The following TOX variants were observed in gnomAD, a reference collection of about 807,000 sequenced individuals.
TOX encodes thymocyte selection-associated high mobility group box protein TOX.
TOX carries 11 observed loss-of-function variants against 53.7 expected under a neutral mutation model. The observed-to-expected ratio is 0.20, with a 90% CI of 0.13 to 0.34. The LOEUF (loss-of-function observed/expected upper bound fraction) is 0.34, where lower values mean the gene tolerates loss of function less well. Ranked by LOEUF, TOX falls within the 10% of genes least tolerant of loss-of-function variation. The pLI, the probability that TOX is intolerant of heterozygous loss-of-function variation, is 1.00. For missense variants in TOX, 570 were observed against 664.6 expected (o/e 0.86, Z 1.56); for synonymous variants, 225 against 245.3 (o/e 0.92, Z 0.77).
At position 59,118,054 on chromosome 8, in the gene TOX, G is replaced by A. The variant is rs1407107773; in HGVS notation, c.102+832C>T. Among the ~76,000 whole-genome samples, 1 of 152,186 alleles carries A rather than the reference G, an allele frequency of 6.6e-6. No homozygotes were observed. Among genetic ancestry groups the A allele is most frequent in the African/African-American group, 2.4e-5 (1 of 41,438 alleles). ...CCGAACTCCGCAGCAGCCCAGGCCA[G>A]CGCCCCACCTCCGGGTCACCGGCAT... is the stretch of plus-strand genomic sequence containing the variant. On this transcript the variant is annotated intron_variant, in intron 1 of 8. Coordinates refer to ENST00000361421, the MANE Select transcript of TOX (RefSeq NM_014729.3). The surrounding 1 kb of genome is among the most constrained non-coding windows in gnomAD (Gnocchi z 4.1).
chr8:59,073,874 G>C (rs947476764), intron 1 of TOX, among the ~76,000 whole-genome samples: 2 of 152,112 alleles, frequency 1.3e-5, no homozygotes, highest in Admixed American at 1.3e-4. Context: ...CACTTAAATA[G>C]CATGGGTCCA....
chr8:59,069,691 T>C (rs1399269048), intron 1 of TOX, among the ~76,000 whole-genome samples: 1 of 152,096 alleles, frequency 6.6e-6, no homozygotes, highest in Non-Finnish European at 1.5e-5. Flanking sequence ...TGATTTTCAG[T>C]GTATTAAAAT....
At chr8:58,967,581 C>G (rs1240112980) in intron 1 of TOX, among the ~76,000 whole-genome samples, 1 of 152,144 alleles carries the variant, frequency 6.6e-6, no homozygotes, top group African/African-American at 2.4e-5. Flanking sequence ...AGCTTTGCAC[C>G]TGGCTGGAGC....
At chr8:59,108,449 T>C (rs1385311962) in intron 1 of TOX, among the ~76,000 whole-genome samples, 4 of 152,186 alleles carry the variant, frequency 2.6e-5, no homozygotes, top group East Asian at 1.9e-4. Flanking sequence ...ACGGACTTCA[T>C]AGTTCACAAC....
intron 1 of TOX, among the ~76,000 whole-genome samples, chr8:59,092,613 T>C (rs1490542078): frequency 6.6e-6 from 1 of 151,938 alleles, no homozygotes; most frequent in Non-Finnish European, 1.5e-5. Context: ...GGAAGGAGTC[T>C]AGCCCCACCC....
chr8:58,959,586 T>C (rs73252685), intron 2 of TOX, among the ~76,000 whole-genome samples: 1,973 of 152,298 alleles, frequency 0.013, 42 homozygotes, highest in African/African-American at 0.045. Flanking sequence ...TTAAAGCTAT[T>C]TGTGACACGT....
intron 2 of TOX, among the ~76,000 whole-genome samples, chr8:58,954,712 A>T (rs879110619): frequency 6.6e-6 from 1 of 152,208 alleles, no homozygotes; most frequent in Admixed American, 6.5e-5. Flanking sequence ...GAGGAGATGT[A>T]CTCAAGAGTT....
chr8:59,112,894 A>G (rs552776750), intron 1 of TOX, among the ~76,000 whole-genome samples: 12 of 152,334 alleles, frequency 7.9e-5, no homozygotes, highest in Non-Finnish European at 1.6e-4. Flanking sequence ...TCATATTTTT[A>G]CAATGTAATT....
chr8:59,003,946 G>C (rs186405163), intron 1 of TOX, among the ~76,000 whole-genome samples: 4 of 152,272 alleles, frequency 2.6e-5, no homozygotes, highest in African/African-American at 9.6e-5. Context: ...AAAAGTAAGA[G>C]TTTAACTGCA....
chr8:58,969,169 A>G, intron 1 of TOX, among the ~76,000 whole-genome samples: 1 of 152,204 alleles, frequency 6.6e-6, no homozygotes, highest in Middle Eastern at 3.2e-3. Context: ...TGGTATGCTC[A>G]GGCAAACCTG....
chr8:58,868,378 C>A (rs1232853418), intron 3 of TOX, among the ~76,000 whole-genome samples: 2 of 152,156 alleles, frequency 1.3e-5, no homozygotes, highest in Non-Finnish European at 2.9e-5. Context: ...CAATAAAAAA[C>A]AATGATTGGC....
chr8:59,053,964 C>T lies in TOX; in HGVS notation c.102+64922G>A, dbSNP rs530786739. On this transcript the variant is annotated intron_variant, in intron 1 of 8. Transcript: ENST00000361421. ...GCATCCTCTTATTAAACTTTTTTAA[C>T]TTTGCATCTGGAGTCTAGAATTAAT... Among the ~76,000 whole-genome samples, 3 of 152,130 alleles carry T rather than the reference C, an allele frequency of 2.0e-5. No individual in the cohort carries two copies. The South Asian group carries it at 6.2e-4, about 32-fold the overall frequency.
intron 1 of TOX, among the ~76,000 whole-genome samples, chr8:59,104,262 G>A (rs915081738): frequency 4.6e-5 from 7 of 151,996 alleles, no homozygotes; most frequent in South Asian, 2.1e-4. Flanking sequence ...ATCTTTTCAC[G>A]CCCCTTAATC....
chr8:58,965,433 G>A (rs1380303741), intron 1 of TOX, among the ~76,000 whole-genome samples: 2 of 152,208 alleles, frequency 1.3e-5, no homozygotes, highest in East Asian at 3.9e-4. Context: ...AAATTGAAAG[G>A]AGAAATCTAG....
intron 3 of TOX, among the ~76,000 whole-genome samples, chr8:58,931,681 A>T (rs1428254832): frequency 6.6e-6 from 1 of 152,218 alleles, no homozygotes; most frequent in Non-Finnish European, 1.5e-5. Context: ...AAAACCACAT[A>T]TCTCAAATGG....
At chr8:58,962,206 C>T (rs1052309420) in intron 1 of TOX, among the ~76,000 whole-genome samples, 1 of 152,208 alleles carries the variant, frequency 6.6e-6, no homozygotes, top group African/African-American at 2.4e-5. Context: ...TTCAGTGTTA[C>T]TGCTCTTGAT....
chr8:58,896,297 G>A (rs1473792805), intron 3 of TOX, among the ~76,000 whole-genome samples: 1 of 152,100 alleles, frequency 6.6e-6, no homozygotes, highest in African/African-American at 2.4e-5. Context: ...AAAGGGGGAT[G>A]GCTCTGCCTC....
intron 1 of TOX, among the ~76,000 whole-genome samples, chr8:58,991,353 C>T (rs1273344425): frequency 6.6e-6 from 1 of 152,196 alleles, no homozygotes; most frequent in East Asian, 1.9e-4. Context: ...CCCTCGAGCA[C>T]TAGAAGTCTG....
intron 1 of TOX, among the ~76,000 whole-genome samples, chr8:59,087,725 A>G (rs1804537659): frequency 6.6e-6 from 1 of 152,230 alleles, no homozygotes; most frequent in African/African-American, 2.4e-5. Context: ...TTGAGCTTAT[A>G]AAACTGGAAA....
Sources: gnomAD v4.1 joint callset for allele counts (sites outside exome capture counted in the v4.1 genomes callset) on GRCh38, gnomAD v4.1.1 for gene constraint, Gnocchi (gnomAD v3.1) non-coding constraint, MANE v1.5 for transcripts, NCBI Gene and HGNC (gene_info 2026-07-23, HGNC 2026-07-21) for gene names.